The following PRAC2 variants were observed in gnomAD, a reference collection of about 807,000 sequenced individuals.
The protein encoded by PRAC2 is protein PRAC2.
For synonymous variants in PRAC2, 43 were observed against 49.5 expected (o/e 0.87, Z 0.55); for missense variants, 92 against 114.5 (o/e 0.80, Z 0.90).
intron 1 of PRAC2, among the ~76,000 whole-genome samples, chr17:48,723,972 G>C (rs529708077): frequency 6.6e-6 from 1 of 152,216 alleles, no homozygotes; most frequent in African/African-American, 2.4e-5. Flanking sequence ...GGCAGCTCAG[G>C]GTACAATTGC....
upstream of PRAC2, chr17:48,721,817 C>A (rs1303238236): frequency 6.5e-7 from 1 of 1,542,176 alleles, no homozygotes; most frequent in South Asian, 1.2e-5. Context: ...AATCTTCCTG[C>A]CTCGGCCTCC....
At chr17:48,722,621 G>T, upstream of PRAC2, 1 of 536,054 alleles carries the variant, frequency 1.9e-6, no homozygotes, top group South Asian at 2.2e-5. Flanking sequence ...CTGCAAGTAG[G>T]GGCGAAAGCT....
upstream of PRAC2, chr17:48,722,195 C>CACT (rs1254096866): frequency 3.2e-5 from 27 of 836,812 alleles, no homozygotes; most frequent in Non-Finnish European, 5.2e-5. Context: ...CTCACCCTTC[C>CACT]CTTGTTTCCC....
chr17:48,721,658 C>T, upstream of PRAC2: 1 of 824,252 alleles, frequency 1.2e-6, no homozygotes, highest in Non-Finnish European at 1.7e-6. Flanking sequence ...GAGCTTTTGC[C>T]TTAAGGATGA....
chr17:48,724,439 C>G lies in PRAC2; in HGVS notation c.29C>G (p.Pro10Arg). 1 of 1,234,324 alleles carries G rather than the reference C, an allele frequency of 8.1e-7. No homozygotes were observed. Among genetic ancestry groups the G allele is most frequent in the African/African-American group, 1.5e-5 (1 of 64,606 alleles). 76.5% of individuals were successfully genotyped at this position (1,234,324 alleles called of 1,614,324 possible). A position where few individuals can be genotyped will look rare whatever the true frequency, so the allele number is the denominator to read the frequency against. Residue 10 changes from proline to arginine, a missense_variant, in exon 2 of 2, where the codon CCT (proline) becomes CGT (arginine). Pro to Arg is a moderately radical substitution (Grantham distance 103, BLOSUM62 -2). Transcript: ENST00000422730. ...GACAGAAGGCGGATGGCTCTGCGGC[C>G]TGGCTCCCGCAGACCGACCGCCTTC... MDRRRMALRPGSRRPTAFFF... is the reference protein window; with the variant it reads MDRRRMALRRGSRRPTAFFF...
Position 48,723,839 on chromosome 17 carries a change from T to A in PRAC2, c.-83-489T>A, listed in dbSNP as rs960269957. On this transcript the variant is annotated intron_variant, in intron 1 of 1. Coordinates refer to ENST00000422730, the MANE Select transcript of PRAC2 (RefSeq NM_001282275.2). Reference sequence around the variant, plus strand: ...TGGAGGCCTAATAAAATCCACTTGCTTTGGAGTTAGAAATTATTTCGGGCC... The same window carrying A: ...TGGAGGCCTAATAAAATCCACTTGCATTGGAGTTAGAAATTATTTCGGGCC... 1.6e-4 allele frequency: 185 copies of A among 1,137,514 alleles called. 3 individuals are homozygous for A. In the Admixed American group the frequency reaches 7.6e-3, roughly 47 times the overall value. 70.5% of individuals were successfully genotyped at this position (1,137,514 alleles called of 1,614,324 possible).
chr17:48,721,169 C>A (rs1427847581), upstream of PRAC2, among the ~76,000 whole-genome samples: 1 of 152,082 alleles, frequency 6.6e-6, no homozygotes, highest in Non-Finnish European at 1.5e-5. Flanking sequence ...AAGATGTGAG[C>A]ATGTGGTCCC....
At chr17:48,722,284 G>A (rs1308499420), upstream of PRAC2, 2 of 1,570,432 alleles carry the variant, frequency 1.3e-6, no homozygotes, top group South Asian at 2.2e-5. Flanking sequence ...TGAGCGATCC[G>A]TCGATAACGC....
At chr17:48,720,859 G>C (rs1232566329), upstream of PRAC2, among the ~76,000 whole-genome samples, 1 of 152,200 alleles carries the variant, frequency 6.6e-6, no homozygotes, top group Non-Finnish European at 1.5e-5. Flanking sequence ...TGTCTGAAGG[G>C]CCTTGCAGGG....
chr17:48,720,922 T>C (rs1403055823), upstream of PRAC2, among the ~76,000 whole-genome samples: 3 of 152,210 alleles, frequency 2.0e-5, no homozygotes, highest in East Asian at 5.8e-4. Context: ...TTTCAGTTGG[T>C]GGTAGAGGTT....
At chr17:48,721,741 A>T (rs957972326), upstream of PRAC2, 1 of 1,365,216 alleles carries the variant, frequency 7.3e-7, no homozygotes, top group South Asian at 1.9e-5. Context: ...AAAAAATTTT[A>T]TTGTATAAAT....
At chr17:48,722,998 C>T (rs1473517417), upstream of PRAC2, among the ~76,000 whole-genome samples, 3 of 152,210 alleles carry the variant, frequency 2.0e-5, no homozygotes, top group Non-Finnish European at 1.5e-5. Context: ...CTTTCCCTCA[C>T]TCTCCCCCGA....
upstream of PRAC2, among the ~76,000 whole-genome samples, chr17:48,719,071 G>C (rs980540986): frequency 3.9e-5 from 6 of 152,102 alleles, no homozygotes; most frequent in Admixed American, 6.5e-5. Context: ...TGGCCCCTGC[G>C]CCTCCCCGCG....
chr17:48,719,335 G>A (rs2038124084), upstream of PRAC2, among the ~76,000 whole-genome samples: 1 of 152,212 alleles, frequency 6.6e-6, no homozygotes, highest in Non-Finnish European at 1.5e-5. Flanking sequence ...GGTTTCCCGG[G>A]TCGGATGGCT....
upstream of PRAC2, among the ~76,000 whole-genome samples, chr17:48,719,236 C>A (rs1412419136): frequency 6.6e-6 from 1 of 152,044 alleles, no homozygotes; most frequent in Non-Finnish European, 1.5e-5. Flanking sequence ...CACACACACA[C>A]ACACACACGC....
upstream of PRAC2, among the ~76,000 whole-genome samples, chr17:48,719,836 T>C (rs1216001253): frequency 6.6e-6 from 1 of 152,120 alleles, no homozygotes; most frequent in Non-Finnish European, 1.5e-5. Context: ...AGCTCTTTGA[T>C]AAAGCCGCGC....
chr17:48,722,938 C>G, upstream of PRAC2, among the ~76,000 whole-genome samples: 1 of 152,234 alleles, frequency 6.6e-6, no homozygotes, highest in East Asian at 1.9e-4. Flanking sequence ...CCCTGTGCAC[C>G]TCCCAGTTCG....
chr17:48,724,181 T>C (rs1199297794), intron 1 of PRAC2, 147 bp from the exon 2 acceptor site: 1 of 419,374 alleles, frequency 2.4e-6, no homozygotes, highest in Admixed American at 4.4e-5. Flanking sequence ...CAGGCGAATA[T>C]AGGTTTGTAG....
At chr17:48,722,494 C>A, upstream of PRAC2, 1 of 973,510 alleles carries the variant, frequency 1.0e-6, no homozygotes, top group South Asian at 1.3e-5. Context: ...GCTCTGTTTG[C>A]ACGCCTTAGG....
Sources: gnomAD v4.1 joint callset for allele counts (sites outside exome capture counted in the v4.1 genomes callset) on GRCh38, gnomAD v4.1.1 for gene constraint, MANE v1.5 for transcripts, NCBI Gene and HGNC (gene_info 2026-07-23, HGNC 2026-07-21) for gene names.